Variants in KIF15 observed in about 807,000 individuals in gnomAD.
KIF15 encodes kinesin-like protein KIF15.
Under a neutral mutation model 190.6 loss-of-function variants are expected in KIF15, and 140 were observed. The observed-to-expected ratio is 0.73, with a 90% confidence interval of 0.64 to 0.84. The LOEUF (loss-of-function observed/expected upper bound fraction) is 0.84. KIF15 is among the 40% of genes least tolerant of loss of function. KIF15 has a pLI of 0.00. For synonymous variants in KIF15, 528 were observed against 551.3 expected (o/e 0.96, Z 0.59); for missense variants, 1,372 against 1,584.4 (o/e 0.87, Z 2.28).
intron 30 of KIF15, 126 bp from the exon 31 acceptor site, chr3:44,847,859 T>C (rs765736176): frequency 2.4e-5 from 16 of 665,656 alleles, no homozygotes; most frequent in African/African-American, 3.7e-5. Flanking sequence ...CCAATCACAA[T>C]AGAGTTAGCC....
intron 22 of KIF15, 117 bp downstream of exon 22, chr3:44,826,577 C>A (rs1468052355): frequency 1.5e-6 from 1 of 664,742 alleles, no homozygotes. Context: ...TTAAAGCATT[C>A]CAAAAGCAAC....
At chr3:44,814,452 G>A (rs1387609906) in intron 19 of KIF15, among the ~76,000 whole-genome samples, 6 of 152,104 alleles carry the variant, frequency 3.9e-5, no homozygotes, top group African/African-American at 1.4e-4. Context: ...TGGGACCACA[G>A]GTGCTCACCA....
rs1299520387 is a variant in KIF15, at chr3:44,852,937, T to G, written c.*202T>G. The stretch of plus-strand genomic sequence containing the variant: ...CCCTGTGACAGTCAGCAGTCTGCTA[T>G]TAAGTGGCCTACTTCAAGGCTTTGA... On this transcript the variant is annotated 3_prime_UTR_variant, in exon 35 of 35. Coordinates refer to ENST00000326047, the MANE Select transcript of KIF15 (RefSeq NM_020242.3). The G allele has an allele frequency of 2.4e-6, 1 of 413,914 alleles. No individual in the cohort carries two copies. The highest frequency in any genetic ancestry group is 2.1e-5 in the African/African-American group (1 of 48,112). The allele number at this position is 413,914 out of a possible 1,614,324, so 25.6% of individuals were successfully genotyped here. A position where few individuals can be genotyped will look rare whatever the true frequency, so the allele number is the denominator to read the frequency against.
chr3:44,864,084 G>T, intron 6 of KIF15: 1 of 1,318,452 alleles, frequency 7.6e-7, no homozygotes, highest in Non-Finnish European at 1.1e-6. Context: ...GAGCTGTAGT[G>T]GGAGCTCAGT....
At chr3:44,801,205 C>CG (rs1707253505) in intron 11 of KIF15, among the ~76,000 whole-genome samples, 1 of 97,838 alleles carries the variant, frequency 1.0e-5, no homozygotes, top group Non-Finnish European at 2.2e-5. Flanking sequence ...AGATCGGGGG[C>CG]GGCGGGAGGG....
At chr3:44,800,173 T>C in intron 10 of KIF15, 141 bp from the exon 11 acceptor site, 3 of 712,832 alleles carry the variant, frequency 4.2e-6, no homozygotes, top group Non-Finnish European at 6.9e-6. Flanking sequence ...ACACTGTGAT[T>C]CCTGTGTCCT....
In KIF15 at chr3:44,808,103, C is replaced by T. The variant is rs116540566; in HGVS notation, c.1971+2117C>T. Reference sequence around the variant, plus strand: ...ACAGGTGTGAGCCACCATGCCTGACCAGAATTTTTTTTTACTGTTGCTTTT... The same window carrying T: ...ACAGGTGTGAGCCACCATGCCTGACTAGAATTTTTTTTTACTGTTGCTTTT... On this transcript the variant is annotated intron_variant, in intron 16 of 34. Transcript: ENST00000326047. 5.7e-3 allele frequency among the ~76,000 whole-genome samples: 867 copies of T among 152,020 alleles called. 4 individuals are homozygous for T. Among genetic ancestry groups the T allele is most frequent in the African/African-American group, 0.019 (806 of 41,466 alleles).
chr3:44,811,897 C>G (rs1707802330), intron 17 of KIF15, among the ~76,000 whole-genome samples: 1 of 152,168 alleles, frequency 6.6e-6, no homozygotes, highest in Non-Finnish European at 1.5e-5. Context: ...CAAGATGGCT[C>G]TGTCATGTAA....
chr3:44,853,789 G>T (rs1356055899), downstream of KIF15, among the ~76,000 whole-genome samples: 2 of 152,016 alleles, frequency 1.3e-5, no homozygotes, highest in African/African-American at 4.8e-5. Flanking sequence ...TAATGCTATT[G>T]AACATTTTTC....
At chr3:44,835,213 A>C (rs1698255164) in intron 26 of KIF15, among the ~76,000 whole-genome samples, 1 of 152,104 alleles carries the variant, frequency 6.6e-6, no homozygotes, top group Non-Finnish European at 1.5e-5. Flanking sequence ...ACAGAAATTT[A>C]TGTAATTCCA....
downstream of KIF15, among the ~76,000 whole-genome samples, chr3:44,855,229 A>G (rs1444521211): frequency 1.3e-5 from 2 of 152,204 alleles, no homozygotes; most frequent in Non-Finnish European, 2.9e-5. Context: ...CACAAAGTAC[A>G]TTCTCAAGGG....
At chr3:44,789,420 G>A (rs914463669) in intron 7 of KIF15, among the ~76,000 whole-genome samples, 1 of 151,684 alleles carries the variant, frequency 6.6e-6, no homozygotes, top group East Asian at 1.9e-4. Context: ...GTGGTCTTAT[G>A]TGACATCTAG....
intron 5 of KIF15, among the ~76,000 whole-genome samples, chr3:44,783,858 T>A (rs181374496): frequency 3.9e-5 from 6 of 152,344 alleles, no homozygotes. Context: ...AATATTTTGA[T>A]TGTTAAATAG....
chr3:44,811,082 C>A, intron 17 of KIF15, 39 bp downstream of exon 17: 2 of 1,417,582 alleles, frequency 1.4e-6, no homozygotes, highest in Non-Finnish European at 1.9e-6. Context: ...AACTGGACAT[C>A]CATTTAAATA....
chr3:44,857,354 A>AG (rs1699199549), downstream of KIF15, among the ~76,000 whole-genome samples: 1 of 152,260 alleles, frequency 6.6e-6, no homozygotes, highest in African/African-American at 2.4e-5. Flanking sequence ...TGTGATTTTT[A>AG]GGGCCTCTAA....
chr3:44,850,670 C>T (rs1699029611), intron 32 of KIF15, among the ~76,000 whole-genome samples: 1 of 152,158 alleles, frequency 6.6e-6, no homozygotes, highest in Admixed American at 6.5e-5. Context: ...GGAACCAATA[C>T]AAAGCCAACA....
At position 44,812,261 on chromosome 3, in the gene KIF15, T is replaced by C; in HGVS notation, c.2249T>C (p.Leu750Pro). 1 of 1,614,000 alleles carries C rather than the reference T, an allele frequency of 6.2e-7. No homozygotes were observed. The highest frequency in any genetic ancestry group is 8.5e-7 in the Non-Finnish European group (1 of 1,179,922). Residue 750 changes from leucine (L) to proline (P), a missense_variant, in exon 18 of 35, where the codon CTG (leucine) becomes CCG (proline). Leu to Pro is a moderately conservative substitution (Grantham distance 98). Transcript: ENST00000326047. ...NLKLQQHVDK[L>P]EHHSTQMQEL... ...AAGCTTCAGCAGCATGTTGACAAAC[T>C]GGAACATCATTCTACCCAAATGCAG...
At chr3:44,768,285 AAAG>A (rs1440158463) in intron 1 of KIF15, among the ~76,000 whole-genome samples, 3 of 152,032 alleles carry the variant, frequency 2.0e-5, no homozygotes, top group Admixed American at 1.3e-4. Context: ...AAAAAAAAGA[AAAG>A]AAAAGAAAAA....
intron 1 of KIF15, among the ~76,000 whole-genome samples, chr3:44,772,844 G>A (rs1559521636): frequency 6.6e-6 from 1 of 152,280 alleles, no homozygotes; most frequent in East Asian, 1.9e-4. Flanking sequence ...ACAAAGCACT[G>A]GGCACGTGGT....
Sources: allele counts gnomAD v4.1 joint callset (sites outside exome capture counted in the v4.1 genomes callset), GRCh38; gene constraint gnomAD v4.1.1; transcripts MANE v1.5; gene names NCBI Gene and HGNC (gene_info 2026-07-23, HGNC 2026-07-21).